The following DMD variants were observed in gnomAD, a reference collection of about 807,000 sequenced individuals.
The protein encoded by DMD is dystrophin.
In DMD, 63 loss-of-function variants were observed where a neutral mutation model predicts 330.1. The ratio of observed to expected loss-of-function variants is 0.19; its 90% CI spans 0.16 to 0.24. The LOEUF (loss-of-function observed/expected upper bound fraction) is 0.24, where lower values mean the gene tolerates loss of function less well. Among genes scored for constraint, DMD ranks in the 10% least tolerant of loss-of-function variants. The pLI is 1.00. For missense variants in DMD, 3,344 were observed against 2,684.1 expected (o/e 1.25, Z -5.43); for synonymous variants, 1,223 against 959.8 (o/e 1.27, Z -5.07).
At chrX:33,108,625 C>T (rs1375402396) in intron 1 of DMD, among the ~76,000 whole-genome samples, 1 of 106,185 alleles carries the variant, frequency 9.4e-6, no homozygotes, top group Non-Finnish European at 1.9e-5. Context: ...CCTGTAATCC[C>T]AGCCCTTTGT....
At chrX:31,885,891 AG>A (rs1437134919) in intron 47 of DMD, among the ~76,000 whole-genome samples, 3 of 110,946 alleles carry the variant, frequency 2.7e-5, no homozygotes, top group Non-Finnish European at 5.7e-5. Flanking sequence ...GGGGACTAGA[AG>A]AACAGTTAGA....
intron 1 of DMD, among the ~76,000 whole-genome samples, chrX:33,049,572 T>C (rs1041308691): frequency 4.5e-5 from 5 of 110,889 alleles, no homozygotes; most frequent in Admixed American, 1.9e-4. Context: ...TAAGATGCCA[T>C]TGAATCTCTG....
At chrX:32,749,182 T>C (rs2070470789) in intron 7 of DMD, among the ~76,000 whole-genome samples, 1 of 112,002 alleles carries the variant, frequency 8.9e-6, no homozygotes, top group Non-Finnish European at 1.9e-5. Context: ...ATAATATCCA[T>C]CCCTTGAGAA....
intron 60 of DMD, among the ~76,000 whole-genome samples, chrX:31,366,525 AGATAAAAG>A (rs2059269536): frequency 5.1e-5 from 5 of 98,833 alleles, no homozygotes; most frequent in African/African-American, 1.1e-4. Flanking sequence ...TAAATAAAAA[AGATAAAAG>A]AAAAAAAAGA....
At chrX:32,203,322 A>G in intron 44 of DMD, among the ~76,000 whole-genome samples, 1 of 112,689 alleles carries the variant, frequency 8.9e-6, no homozygotes. Context: ...TTATTCCCTC[A>G]CATAAAGGCA....
chrX:32,802,375 T>C (rs779711366), intron 7 of DMD, among the ~76,000 whole-genome samples: 1 of 112,169 alleles, frequency 8.9e-6, no homozygotes, highest in Non-Finnish European at 1.9e-5. Context: ...TTGTTGACAC[T>C]GCCTATCAGC....
intron 12 of DMD, among the ~76,000 whole-genome samples, chrX:32,612,774 G>GT (rs1172341509): frequency 9.0e-6 from 1 of 111,114 alleles, no homozygotes; most frequent in Non-Finnish European, 1.9e-5. Flanking sequence ...TACAGTTGAT[G>GT]TTTTTTTCCT....
chrX:31,543,387 T>A (rs889449465), intron 55 of DMD, among the ~76,000 whole-genome samples: 1 of 110,520 alleles, frequency 9.0e-6, no homozygotes, highest in Non-Finnish European at 1.9e-5. Flanking sequence ...GCCAGGATGG[T>A]CTCGAGCTCC....
intron 47 of DMD, among the ~76,000 whole-genome samples, chrX:31,927,918 T>A (rs1000770987): frequency 8.9e-6 from 1 of 112,120 alleles, no homozygotes; most frequent in Non-Finnish European, 1.9e-5. Flanking sequence ...GAAGGCTTTA[T>A]GTAAAAATAG....
At chrX:32,727,969 G>C (rs892422230) in intron 7 of DMD, among the ~76,000 whole-genome samples, 6 of 111,405 alleles carry the variant, frequency 5.4e-5, no homozygotes, top group South Asian at 3.7e-4. Flanking sequence ...AAATGAGCTT[G>C]TATTTCTCAG....
intron 18 of DMD, among the ~76,000 whole-genome samples, chrX:32,515,045 GA>G (rs2045719996): frequency 1.8e-5 from 2 of 112,167 alleles, no homozygotes; most frequent in Non-Finnish European, 3.8e-5. Context: ...AGTATCTTTG[GA>G]ATTGTCTCTG....
At chrX:32,450,130 G>T (rs769562182) in intron 26 of DMD, among the ~76,000 whole-genome samples, 46 of 110,945 alleles carry the variant, frequency 4.1e-4, no homozygotes, top group Admixed American at 1.1e-3. Flanking sequence ...GTGGGATTCA[G>T]TGGCCACAGA....
intron 37 of DMD, among the ~76,000 whole-genome samples, chrX:32,350,414 C>A (rs2097777476): frequency 9.0e-6 from 1 of 111,155 alleles, no homozygotes; most frequent in Non-Finnish European, 1.9e-5. Context: ...GCTTACAATA[C>A]TAACTTCCCT....
intron 9 of DMD, among the ~76,000 whole-genome samples, chrX:32,696,685 GA>G (rs2063679501): frequency 9.0e-6 from 1 of 110,913 alleles, no homozygotes; most frequent in East Asian, 2.9e-4. Context: ...GTGATAATGA[GA>G]GGGGGAAAAA....
intron 44 of DMD, among the ~76,000 whole-genome samples, chrX:31,970,601 T>C (rs1477406418): frequency 9.1e-6 from 1 of 110,137 alleles, no homozygotes; most frequent in Non-Finnish European, 1.9e-5. Context: ...ATATGGAGGG[T>C]TAGAGGCAGT....
intron 60 of DMD, among the ~76,000 whole-genome samples, chrX:31,388,160 C>A (rs1204886028): frequency 9.2e-6 from 1 of 108,582 alleles, no homozygotes; most frequent in Non-Finnish European, 1.9e-5. Flanking sequence ...CCACCAAGCC[C>A]GGCTAATTTT....
intron 55 of DMD, among the ~76,000 whole-genome samples, chrX:31,538,853 C>T (rs6631332): frequency 0.1 from 11,134 of 110,022 alleles, 539 homozygotes; most frequent in Admixed American, 0.2. Context: ...AGTTGTACAC[C>T]GAGAAAAACA....
chrX:32,514,559 G>A (rs1214806995), intron 18 of DMD, among the ~76,000 whole-genome samples: 1 of 111,620 alleles, frequency 9.0e-6, no homozygotes, highest in Non-Finnish European at 1.9e-5. Context: ...GGCTAACACG[G>A]TGAAACCCCG....
Position 31,739,375 on chromosome X carries a change from A to C in DMD, c.7543-9627T>G, listed in dbSNP as rs187209524. Among the ~76,000 whole-genome samples the C allele has an allele frequency of 5.4e-3, 604 of 112,526 alleles. 2 individuals carry two copies. The highest frequency in any genetic ancestry group is 0.014 in the Middle Eastern group (3 of 215). On this transcript the variant is annotated intron_variant, in intron 51 of 78. Transcript: ENST00000357033. ...TCATTTGGCTAGCTTTAAAAATAAA[A>C]AATATGATAGCTGTTTAAGAAATCA...
Sources: gnomAD v4.1 joint callset for allele counts (sites outside exome capture counted in the v4.1 genomes callset) on GRCh38, gnomAD v4.1.1 for gene constraint, MANE v1.5 for transcripts, NCBI Gene and HGNC (gene_info 2026-07-23, HGNC 2026-07-21) for gene names.